The following CD22 variants were observed in gnomAD, a reference collection of about 807,000 sequenced individuals.
The protein encoded by CD22 is CD22 molecule, also known as B-cell receptor CD22.
A neutral mutation model predicts 94.7 loss-of-function variants in CD22; 51 were observed. The observed-to-expected ratio is 0.54, with a 90% CI of 0.43 to 0.68. The LOEUF (loss-of-function observed/expected upper bound fraction) is 0.68. CD22 is among the 30% of genes least tolerant of loss of function. The pLI is 0.00. For synonymous variants in CD22, 424 were observed against 422.5 expected, an observed-to-expected ratio of 1.00 and a Z score of -0.04; for missense variants, 931 against 1,060.4, an observed-to-expected ratio of 0.88 and a Z score of 1.69.
At position 35,346,709 on chromosome 19, in the gene CD22, C is replaced by A; in HGVS notation, c.*12C>A. Reference sequence around the variant, plus strand: ...TCCTCAAACATTGACACTGGATGGGCTGCAGCAGAGGCACTGGGGGCAGCG... The same window carrying A: ...TCCTCAAACATTGACACTGGATGGGATGCAGCAGAGGCACTGGGGGCAGCG... On this transcript the variant is annotated 3_prime_UTR_variant, in exon 14 of 14. Coordinates refer to ENST00000085219, the MANE Select transcript of CD22 (RefSeq NM_001771.4). The A allele has an allele frequency of 6.3e-7, 1 of 1,595,822 alleles. No homozygotes were observed.
chr19:35,333,828 G>C (rs896445270), intron 3 of CD22, among the ~76,000 whole-genome samples: 2 of 152,184 alleles, frequency 1.3e-5, no homozygotes, highest in Admixed American at 6.5e-5. Context: ...AGGATTACAG[G>C]CATGAGTCAC....
rs1327565469 is a variant in CD22 at position 35,336,113 on chromosome 19, A to T, written c.490A>T (p.Asn164Tyr). 6.2e-7 allele frequency: 1 copy of T among 1,614,060 alleles called. No individual in the cohort carries two copies. The highest frequency in any genetic ancestry group is 2.2e-5 in the East Asian group (1 of 44,872). ...SQEVTLTCLL[N>Y]FSCYGYPIQL... ...GGAAGTCACTCTGACCTGCTTGCTGAATTTCTCCTGCTATGGGTATCCGAT... is the reference window on the plus strand; with the variant it reads ...GGAAGTCACTCTGACCTGCTTGCTGTATTTCTCCTGCTATGGGTATCCGAT... The change falls in exon 4 of 14, where the codon AAT (asparagine) becomes TAT (tyrosine). Residue 164 changes from asparagine to tyrosine, a missense_variant. Asn to Tyr is a moderately radical substitution (Grantham distance 143, BLOSUM62 -2). Coordinates refer to ENST00000085219, the MANE Select transcript of CD22 (RefSeq NM_001771.4).
rs564242435 is a variant in CD22 at position 35,341,033 on chromosome 19, G to A, written c.1402G>A (p.Gly468Arg). The change falls in exon 7 of 14, where the codon GGG (glycine) becomes AGG (arginine). Residue 468 changes from glycine (G) to arginine (R), a missense_variant. Coordinates refer to ENST00000085219, the MANE Select transcript of CD22 (RefSeq NM_001771.4). The surrounding 1 kb of genome is among the most constrained non-coding windows in gnomAD (Gnocchi z 4.0). ...TGGCGCCTGGGAGGAGCCATCGCTT[G>A]GGGTGCTGAAGATCCAAAACGTTGG... The part of the protein sequence containing the change: ...PHGAWEEPSL[G>R]VLKIQNVGWD... 7 of 1,614,228 alleles carry A rather than the reference G, an allele frequency of 4.3e-6. No individual in the cohort carries two copies. The South Asian group carries it at 7.7e-5, about 18-fold the overall frequency.
chr19:35,331,998 G>A (rs934661142), intron 1 of CD22, 21 bp from the exon 2 acceptor site: 3 of 1,613,522 alleles, frequency 1.9e-6, no homozygotes, highest in Admixed American at 1.7e-5. Context: ...ATGGCTCAAA[G>A]ACAAACTCTC....
intron 12 of CD22, 81 bp from the exon 13 acceptor site, chr19:35,346,070 T>C (rs1358699467): frequency 1.9e-6 from 2 of 1,077,654 alleles, no homozygotes; most frequent in African/African-American, 1.5e-5. Context: ...TGGGGTGCTG[T>C]TGGGGGCTCT....
At chr19:35,329,288 G>A in intron 1 of CD22, 58 bp downstream of exon 1, 1 of 1,132,448 alleles carries the variant, frequency 8.8e-7, no homozygotes, top group South Asian at 1.3e-5. Flanking sequence ...CGGAACAGCA[G>A]TTATGGGCCA....
chr19:35,338,774 C>T (rs1445609924), intron 6 of CD22, among the ~76,000 whole-genome samples: 6 of 152,034 alleles, frequency 3.9e-5, no homozygotes, highest in Admixed American at 1.3e-4. Context: ...GGATGACAGG[C>T]GCCCGCCACC....
intron 6 of CD22, among the ~76,000 whole-genome samples, chr19:35,340,576 G>T (rs1296807291): frequency 6.6e-6 from 1 of 152,164 alleles, no homozygotes; most frequent in Non-Finnish European, 1.5e-5. Context: ...CACCATGCCC[G>T]GCCTCAGGAC....
At chr19:35,346,537 C>T in intron 13 of CD22, 29 bp from the exon 14 acceptor site, 1 of 1,583,512 alleles carries the variant, frequency 6.3e-7, no homozygotes, top group Non-Finnish European at 8.6e-7. Flanking sequence ...GACAGTGGGG[C>T]CAGGCTAACC....
chr19:35,341,476 C>T lies in CD22; in HGVS notation c.1641C>T (p.Gly547=), dbSNP rs778057198. The T allele has an allele frequency of 1.2e-6, 2 of 1,614,164 alleles. No homozygotes were observed. The highest frequency in any genetic ancestry group is 1.7e-5 in the Admixed American group (1 of 60,010). The change falls in exon 8 of 14, where the codon GGC becomes GGT. Residue 547 remains glycine (G), a synonymous_variant. Coordinates refer to ENST00000085219, the MANE Select transcript of CD22 (RefSeq NM_001771.4). This position sits in a 1 kb window ranked among gnomAD's most constrained non-coding sequence, Gnocchi z 4.0. ...TCCAGTTCTTCTGGGAGAAAAATGG[C>T]AGGCTTCTGGGGAAAGAAAGCCAGC... ...KEVQFFWEKN[G]RLLGKESQLN... is the part of the protein sequence containing the mutation.
intron 9 of CD22, 42 bp downstream of exon 9, chr19:35,342,007 GTCCT>G (rs71167534): frequency 0.041 from 42,156 of 1,027,790 alleles, 1,915 homozygotes; most frequent in East Asian, 0.16. Flanking sequence ...GTGGTGGTCA[GTCCT>G]TCCTTCCTTC....
chr19:35,329,217 A>G lies in CD22; in HGVS notation c.-36A>G. On this transcript the variant is annotated 5_prime_UTR_variant, in exon 1 of 14. Transcript: ENST00000085219. ...CTGCCAGGGTCCCTGAAGAGGGAAG[A>G]CACGCGGAAACAGGTAAAAATCATT... 1 of 1,289,652 alleles carries G rather than the reference A, an allele frequency of 7.8e-7. No individual in the cohort carries two copies. Among genetic ancestry groups the G allele is most frequent in the Non-Finnish European group, 1.0e-6 (1 of 988,688 alleles). The allele number at this position is 1,289,652 out of a possible 1,614,324, so 79.9% of individuals were successfully genotyped here.
At position 35,346,245 on chromosome 19, in the gene CD22, G is replaced by A. The variant is rs117891073; in HGVS notation, c.2412+10G>A. Reference sequence around the variant, plus strand: ...GCACAAGCGCCAAGTGGTAAGGAGGGTCTCCCCAGGTCTCCCCAGAGGGGC... The same window carrying A: ...GCACAAGCGCCAAGTGGTAAGGAGGATCTCCCCAGGTCTCCCCAGAGGGGC... On this transcript the variant is annotated intron_variant, in intron 13 of 13. Coordinates refer to ENST00000085219, the MANE Select transcript of CD22 (RefSeq NM_001771.4). The A allele has an allele frequency of 0.023, 36,115 of 1,602,014 alleles. 505 individuals carry two copies. Among genetic ancestry groups the A allele is most frequent in the Non-Finnish European group, 0.027 (31,491 of 1,169,002 alleles).
chr19:35,343,940 G>A (rs370568720), intron 9 of CD22, among the ~76,000 whole-genome samples: 5 of 152,112 alleles, frequency 3.3e-5, no homozygotes, highest in East Asian at 3.9e-4. Context: ...AAAGTGGGTG[G>A]CCACAAGCAC....
At chr19:35,331,748 G>A in intron 1 of CD22, 1 of 411,464 alleles carries the variant, frequency 2.4e-6, no homozygotes, top group South Asian at 3.1e-5. Flanking sequence ...TTGGGGGGCT[G>A]AGGCCAGAGA....
chr19:35,336,447 C>T lies in CD22; in HGVS notation c.718+106C>T, dbSNP rs551815550. On this transcript the variant is annotated intron_variant, in intron 4 of 13. Coordinates refer to ENST00000085219, the MANE Select transcript of CD22 (RefSeq NM_001771.4). The stretch of plus-strand genomic sequence containing the variant: ...GGCAGGGGGAAGCCTGCACAGACGG[C>T]GGCATCCTCCAGCCCTGGTCACGCC... The T allele has an allele frequency of 7.9e-5, 84 of 1,068,646 alleles. No individual in the cohort carries two copies. The African/African-American group carries it at 8.1e-4, about 10-fold the overall frequency. The allele number at this position is 1,068,646 out of a possible 1,614,324, so 66.2% of individuals were successfully genotyped here. A position where few individuals can be genotyped will look rare whatever the true frequency, so the allele number is the denominator to read the frequency against.
rs1241939526 is a variant in CD22, at chr19:35,341,166, C to A, written c.1507+28C>A. 6.2e-7 allele frequency: 1 copy of A among 1,612,546 alleles called. No individual in the cohort carries two copies. The highest frequency in any genetic ancestry group is 8.5e-7 in the Non-Finnish European group (1 of 1,178,782). Reference sequence around the variant, plus strand: ...GAGTCCCTGGGCTAGGCAGGGGGATCTGGGAGGTGGCCCGGCTGGGATGAG... The same window carrying A: ...GAGTCCCTGGGCTAGGCAGGGGGATATGGGAGGTGGCCCGGCTGGGATGAG... On this transcript the variant is annotated intron_variant, in intron 7 of 13. Coordinates refer to ENST00000085219, the MANE Select transcript of CD22 (RefSeq NM_001771.4). The surrounding 1 kb of genome is among the most constrained non-coding windows in gnomAD (Gnocchi z 4.0).
intron 9 of CD22, among the ~76,000 whole-genome samples, chr19:35,342,418 C>T (rs1281754382): frequency 2.0e-5 from 3 of 152,212 alleles, no homozygotes; most frequent in Admixed American, 2.0e-4. Flanking sequence ...ACCCTTCTGC[C>T]TCAGCTTCCC....
intron 13 of CD22, 22 bp from the exon 14 acceptor site, chr19:35,346,544 A>T (rs1231565069): frequency 6.3e-7 from 1 of 1,589,122 alleles, no homozygotes; most frequent in Non-Finnish European, 8.6e-7. Flanking sequence ...GGGCCAGGCT[A>T]ACCACCATGC....
Sources: allele counts gnomAD v4.1 joint callset (sites outside exome capture counted in the v4.1 genomes callset), GRCh38; gene constraint gnomAD v4.1.1; non-coding constraint Gnocchi (gnomAD v3.1); transcripts MANE v1.5; gene names NCBI Gene and HGNC (gene_info 2026-07-23, HGNC 2026-07-21).